WWP1: variants seen among roughly 807,000 people sequenced by gnomAD.
WWP1 encodes NEDD4-like E3 ubiquitin-protein ligase WWP1.
WWP1 carries 49 observed loss-of-function variants against 130.6 expected under a neutral mutation model. That is an observed-to-expected ratio of 0.38 (90% CI 0.30 to 0.48). The LOEUF (loss-of-function observed/expected upper bound fraction) is 0.48, where lower values mean the gene tolerates loss of function less well. Among genes scored for constraint, WWP1 ranks in the 20% least tolerant of loss-of-function variants. WWP1 has a pLI of 0.99. For synonymous variants in WWP1, 332 were observed against 367.8 expected (o/e 0.90, Z 1.11); for missense variants, 809 against 1,100.6 (o/e 0.74, Z 3.75).
chr8:86,386,210 A>G (rs1466436974), intron 5 of WWP1, among the ~76,000 whole-genome samples: 1 of 152,132 alleles, frequency 6.6e-6, no homozygotes, highest in African/African-American at 2.4e-5. Flanking sequence ...CAATAATTAT[A>G]CATTTGTTTA....
chr8:86,378,088 T>TA (rs1281255100), intron 3 of WWP1, among the ~76,000 whole-genome samples: 1 of 152,130 alleles, frequency 6.6e-6, no homozygotes, highest in African/African-American at 2.4e-5. Context: ...TGGTACTTTT[T>TA]AAAAAAATAT....
chr8:86,455,440 CA>C (rs1365986127), intron 21 of WWP1, among the ~76,000 whole-genome samples: 1 of 151,722 alleles, frequency 6.6e-6, no homozygotes, highest in Non-Finnish European at 1.5e-5. Flanking sequence ...GGTAACCCAC[CA>C]AAAAACTACT....
rs748622179 is a variant in WWP1 at position 86,417,988 on chromosome 8, A to G, written c.1061+6114A>G. Reference sequence around the variant, plus strand: ...CGTTGAGTAATGTCCGATAGTGACAAGTTCTATGAGACAAGATAAAAGTGG... The same window carrying G: ...CGTTGAGTAATGTCCGATAGTGACAGGTTCTATGAGACAAGATAAAAGTGG... On this transcript the variant is annotated intron_variant, in intron 9 of 24. Transcript: ENST00000517970. Among the ~76,000 whole-genome samples the G allele has an allele frequency of 2.0e-5, 3 of 152,234 alleles. No individual in the cohort carries two copies. In the East Asian group the frequency reaches 5.8e-4, roughly 29 times the overall value.
intron 21 of WWP1, among the ~76,000 whole-genome samples, chr8:86,454,199 C>T (rs1004416134): frequency 2.6e-5 from 4 of 152,050 alleles, no homozygotes; most frequent in Non-Finnish European, 4.4e-5. Context: ...CACACTTCTC[C>T]CTTACACTTT....
At chr8:86,356,940 C>T (rs768939131) in intron 1 of WWP1, among the ~76,000 whole-genome samples, 3 of 152,136 alleles carry the variant, frequency 2.0e-5, no homozygotes, top group African/African-American at 4.8e-5. Flanking sequence ...TGTTGGCCAA[C>T]GACTTCGTCT....
chr8:86,422,510 T>C (rs952851013), intron 9 of WWP1, among the ~76,000 whole-genome samples: 1 of 151,750 alleles, frequency 6.6e-6, no homozygotes, highest in African/African-American at 2.4e-5. Flanking sequence ...CAGGAGTGTG[T>C]GCCACCATGG....
In WWP1 at chr8:86,425,257, T is replaced by C. The variant is rs1359894365; in HGVS notation, c.1096T>C (p.Tyr366His). The part of the protein sequence containing the change: ...EQRKDPHGRT[Y>H]YVDHNTRTTT... ...AAGAAAAGATCCTCATGGTAGAACC[T>C]ATTATGTGGATCATAATACTCGAAC... Residue 366 changes from tyrosine (Y) to histidine (H), a missense_variant, in exon 10 of 25, where the codon TAT becomes CAT. Physicochemically the swap from Tyr to His is moderately conservative, Grantham distance 83. Coordinates refer to ENST00000517970, the MANE Select transcript of WWP1 (RefSeq NM_007013.4). 6.2e-7 allele frequency: 1 copy of C among 1,613,236 alleles called. No homozygotes were observed.
intron 8 of WWP1, among the ~76,000 whole-genome samples, chr8:86,410,717 T>TC (rs2130560011): frequency 6.6e-6 from 1 of 151,566 alleles, no homozygotes; most frequent in East Asian, 1.9e-4. Flanking sequence ...TTTTTTTTTT[T>TC]TTCTGTATCT....
chr8:86,464,349 C>T (rs997345645), intron 24 of WWP1, among the ~76,000 whole-genome samples: 11 of 152,120 alleles, frequency 7.2e-5, no homozygotes, highest in African/African-American at 2.7e-4. Context: ...AACAAAATCA[C>T]TCTTTCCACT....
At chr8:86,370,602 A>G (rs1824229357) in intron 2 of WWP1, among the ~76,000 whole-genome samples, 1 of 152,168 alleles carries the variant, frequency 6.6e-6, no homozygotes, top group African/African-American at 2.4e-5. Context: ...TTTTTCAATC[A>G]TGGAATCATG....
At chr8:86,423,907 C>G (rs1809404041) in intron 9 of WWP1, among the ~76,000 whole-genome samples, 2 of 143,852 alleles carry the variant, frequency 1.4e-5, no homozygotes, top group African/African-American at 5.3e-5. Flanking sequence ...GGCTGCCCCC[C>G]ACCTCCCTCC....
At chr8:86,348,853 A>G (rs1563454643) in intron 1 of WWP1, among the ~76,000 whole-genome samples, 1 of 152,122 alleles carries the variant, frequency 6.6e-6, no homozygotes. Context: ...ACTTAAAACA[A>G]CCATTTTCTT....
intron 10 of WWP1, among the ~76,000 whole-genome samples, chr8:86,425,978 A>G (rs1184685149): frequency 6.6e-6 from 1 of 152,182 alleles, no homozygotes; most frequent in East Asian, 1.9e-4. Context: ...TATTTCTTAC[A>G]TACTCAGATT....
At chr8:86,421,834 A>AT (rs1239770924) in intron 9 of WWP1, among the ~76,000 whole-genome samples, 1 of 151,740 alleles carries the variant, frequency 6.6e-6, no homozygotes, top group Non-Finnish European at 1.5e-5. Flanking sequence ...AAAAAAAAAA[A>AT]TTTTTTTTGA....
intron 1 of WWP1, among the ~76,000 whole-genome samples, chr8:86,344,525 T>C (rs1279888333): frequency 6.6e-6 from 1 of 152,236 alleles, no homozygotes; most frequent in Non-Finnish European, 1.5e-5. Flanking sequence ...GCCTTCACAC[T>C]AATTAGGTAG....
Position 86,424,769 on chromosome 8 carries a change from C to T in WWP1, c.1062-454C>T, listed in dbSNP as rs1026751733. On this transcript the variant is annotated intron_variant, in intron 9 of 24. Transcript: ENST00000517970. ...AGATGGCAGCGGTACAGTCCAGCTT[C>T]GGCTTGGCATCAGAGGGAGAGCGTG... Among the ~76,000 whole-genome samples the T allele has an allele frequency of 5.5e-5, 8 of 145,860 alleles. No individual in the cohort carries two copies. The South Asian group carries it at 6.9e-4, about 13-fold the overall frequency.
At chr8:86,461,371 T>C (rs1431078955) in intron 23 of WWP1, 51 bp downstream of exon 23, 3 of 1,476,910 alleles carry the variant, frequency 2.0e-6, no homozygotes, top group Non-Finnish European at 2.8e-6. Context: ...GTGATAATAA[T>C]GGCCTTTGGA....
intron 17 of WWP1, among the ~76,000 whole-genome samples, chr8:86,439,948 A>G (rs1810504887): frequency 6.6e-6 from 1 of 152,234 alleles, no homozygotes; most frequent in Admixed American, 6.5e-5. Context: ...AGTACAACTG[A>G]TGGGGATAGA....
At chr8:86,425,095 T>C (rs952179546) in intron 9 of WWP1, 128 bp from the exon 10 acceptor site, 1 of 599,928 alleles carries the variant, frequency 1.7e-6, no homozygotes. Flanking sequence ...TTTATATATA[T>C]AGCTGTGTGT....
Sources: gnomAD v4.1 joint callset for allele counts (sites outside exome capture counted in the v4.1 genomes callset) on GRCh38, gnomAD v4.1.1 for gene constraint, MANE v1.5 for transcripts, NCBI Gene and HGNC (gene_info 2026-07-23, HGNC 2026-07-21) for gene names.